USP3: variants seen among roughly 807,000 people sequenced by gnomAD.
The protein encoded by USP3 is ubiquitin specific peptidase 3.
In USP3, 20 loss-of-function variants were observed where a neutral mutation model predicts 72.3. That is an observed-to-expected ratio of 0.28 (90% CI 0.19 to 0.40). USP3 has a LOEUF of 0.40. USP3 is among the 10% of genes least tolerant of loss of function. The pLI is 1.00. For synonymous variants in USP3, 222 were observed against 225.3 expected (o/e 0.99, Z 0.13); for missense variants, 479 against 633.9 (o/e 0.76, Z 2.62).
rs2066913222 is a variant in USP3, at chr15:63,579,169, G to A, written c.1096+4766G>A. 2.0e-5 allele frequency among the ~76,000 whole-genome samples: 3 copies of A among 152,236 alleles called. No homozygotes were observed. The South Asian group carries it at 6.2e-4, about 32-fold the overall frequency. On this transcript the variant is annotated intron_variant, in intron 11 of 14. Coordinates refer to ENST00000380324, the MANE Select transcript of USP3 (RefSeq NM_006537.4). ...AATACTTTAATAAAACATTATAAAA[G>A]GACAGATAAAGCCTGAATAAAAAGA...
rs1221835011 is a variant in USP3 at position 63,529,819 on chromosome 15, A to G, written c.92-2828A>G. Among the ~76,000 whole-genome samples the G allele has an allele frequency of 1.3e-5, 2 of 152,242 alleles. No homozygotes were observed. The highest frequency in any genetic ancestry group is 3.8e-4 in the East Asian group (2 of 5,200). The stretch of plus-strand genomic sequence containing the variant: ...ACAAAAATCCTCCATAATTAAAAAA[A>G]TATCCTGGGTAGTTAAAAACTTGGG... On this transcript the variant is annotated intron_variant, in intron 1 of 14. Transcript: ENST00000380324. This position sits in a 1 kb window ranked among gnomAD's most constrained non-coding sequence, Gnocchi z 4.2.
intron 3 of USP3, among the ~76,000 whole-genome samples, chr15:63,545,140 G>GT (rs1214797489): frequency 6.6e-6 from 1 of 152,038 alleles, no homozygotes; most frequent in African/African-American, 2.4e-5. Flanking sequence ...CATTTTTGTT[G>GT]TTTATTAGTG....
At chr15:63,510,356 C>T (rs985778510) in intron 1 of USP3, among the ~76,000 whole-genome samples, 2 of 151,942 alleles carry the variant, frequency 1.3e-5, no homozygotes, top group Non-Finnish European at 1.5e-5. Context: ...GCTTTTCTCC[C>T]CTTCTTGAGC....
At position 63,529,013 on chromosome 15, in the gene USP3, G is replaced by C; in HGVS notation, c.92-3634G>C. ...ATACCCTATCCTCTGTATCTTTCTA[G>C]CCTTCAAATGTTTATCTGGTGTGAC... On this transcript the variant is annotated intron_variant, in intron 1 of 14. Coordinates refer to ENST00000380324, the MANE Select transcript of USP3 (RefSeq NM_006537.4). This position sits in a 1 kb window ranked among gnomAD's most constrained non-coding sequence, Gnocchi z 4.2. 7.8e-7 allele frequency: 1 copy of C among 1,288,750 alleles called. No homozygotes were observed. The highest frequency in any genetic ancestry group is 1.0e-6 in the Non-Finnish European group (1 of 988,568). 79.8% of individuals were successfully genotyped at this position (1,288,750 alleles called of 1,614,324 possible).
At chr15:63,520,302 T>C (rs2065902660) in intron 1 of USP3, among the ~76,000 whole-genome samples, 1 of 152,180 alleles carries the variant, frequency 6.6e-6, no homozygotes, top group Admixed American at 6.5e-5. Context: ...GTTCCCATTA[T>C]CTACAATGAG....
chr15:63,587,631 C>T (rs1397142294), intron 11 of USP3: 6 of 152,210 alleles, frequency 3.9e-5, no homozygotes, highest in African/African-American at 1.4e-4. Context: ...CTTTGCACCA[C>T]ATAAGGTCTC....
intron 1 of USP3, among the ~76,000 whole-genome samples, chr15:63,514,849 T>G (rs2065831210): frequency 6.6e-6 from 1 of 152,218 alleles, no homozygotes; most frequent in Non-Finnish European, 1.5e-5. Flanking sequence ...CCACCACTGT[T>G]TCACCATGGA....
chr15:63,564,615 T>C (rs901876088), intron 8 of USP3, among the ~76,000 whole-genome samples: 1 of 152,196 alleles, frequency 6.6e-6, no homozygotes, highest in African/African-American at 2.4e-5. Context: ...CATGATGTAG[T>C]TTTTAGCTGT....
chr15:63,573,767 G>A (rs1428154268), intron 9 of USP3, among the ~76,000 whole-genome samples: 2 of 152,196 alleles, frequency 1.3e-5, no homozygotes, highest in African/African-American at 4.8e-5. Flanking sequence ...CATGTGATCT[G>A]TGTTATGATA....
chr15:63,517,951 A>C (rs1052802209), intron 1 of USP3, among the ~76,000 whole-genome samples: 1 of 151,910 alleles, frequency 6.6e-6, no homozygotes. Context: ...TGTTCTCTTT[A>C]TCTTTGTGGG....
At chr15:63,520,765 T>C (rs1489158872) in intron 1 of USP3, among the ~76,000 whole-genome samples, 1 of 151,996 alleles carries the variant, frequency 6.6e-6, no homozygotes, top group Non-Finnish European at 1.5e-5. Flanking sequence ...GGTTTCACCA[T>C]GTTGGCAGGC....
rs2066017817 is a variant in USP3 at position 63,528,462 on chromosome 15, G to C, written c.92-4185G>C. ...TTATCACCCTTTCTCTCATGTACCA[G>C]CATTTAAGACTAAAAAAATAAACAC... On this transcript the variant is annotated intron_variant, in intron 1 of 14. Transcript: ENST00000380324. The surrounding 1 kb of genome is among the most constrained non-coding windows in gnomAD (Gnocchi z 4.3). 3.3e-5 allele frequency among the ~76,000 whole-genome samples: 5 copies of C among 150,612 alleles called. No individual in the cohort carries two copies. Among genetic ancestry groups the C allele is most frequent in the Admixed American group, 3.3e-4 (5 of 15,232 alleles).
chr15:63,536,940 T>A, intron 2 of USP3, 85 bp from the exon 3 acceptor site: 1 of 1,367,964 alleles, frequency 7.3e-7, no homozygotes, highest in Non-Finnish European at 9.9e-7. Context: ...TTATTTTGAT[T>A]TGATTAATAT....
intron 3 of USP3, among the ~76,000 whole-genome samples, chr15:63,542,904 C>T (rs1035562739): frequency 6.6e-6 from 1 of 151,974 alleles, no homozygotes; most frequent in Non-Finnish European, 1.5e-5. Flanking sequence ...ATATTGGAAA[C>T]AAAAAATTAT....
At chr15:63,548,972 A>G (rs1168653971) in intron 3 of USP3, among the ~76,000 whole-genome samples, 1 of 152,226 alleles carries the variant, frequency 6.6e-6, no homozygotes, top group Non-Finnish European at 1.5e-5. Context: ...AGTGTTATAT[A>G]AAAGAGAAAT....
At chr15:63,525,119 A>C (rs568183125) in intron 1 of USP3, among the ~76,000 whole-genome samples, 24 of 152,206 alleles carry the variant, frequency 1.6e-4, no homozygotes, top group Non-Finnish European at 2.8e-4. Context: ...GAGCCCCCAG[A>C]AGGAGGAAAG....
intron 1 of USP3, among the ~76,000 whole-genome samples, chr15:63,510,387 T>C (rs2065765202): frequency 6.6e-6 from 1 of 152,194 alleles, no homozygotes; most frequent in African/African-American, 2.4e-5. Context: ...GTTTTTAATA[T>C]TTTTCCTTCT....
intron 1 of USP3, among the ~76,000 whole-genome samples, chr15:63,518,162 A>C (rs1316329839): frequency 2.6e-5 from 4 of 152,170 alleles, no homozygotes; most frequent in Non-Finnish European, 5.9e-5. Context: ...CTGAAATTTT[A>C]CATTAATCTA....
intron 8 of USP3, among the ~76,000 whole-genome samples, chr15:63,563,335 C>G (rs536954246): frequency 6.6e-6 from 1 of 152,148 alleles, no homozygotes; most frequent in Non-Finnish European, 1.5e-5. Context: ...AGAATAATTA[C>G]CATCACACAC....
Sources: allele counts gnomAD v4.1 joint callset (sites outside exome capture counted in the v4.1 genomes callset), GRCh38; gene constraint gnomAD v4.1.1; non-coding constraint Gnocchi (gnomAD v3.1); transcripts MANE v1.5; gene names NCBI Gene and HGNC (gene_info 2026-07-23, HGNC 2026-07-21).